The following KIFC3 variants were observed in gnomAD, a reference collection of about 807,000 sequenced individuals.
KIFC3 encodes the protein kinesin family member C3.
In KIFC3, 60 loss-of-function variants were observed where a neutral mutation model predicts 101.8. The observed-to-expected ratio is 0.59, with a 90% CI of 0.48 to 0.73. The LOEUF (loss-of-function observed/expected upper bound fraction) is 0.73, where lower values mean the gene tolerates loss of function less well. Among genes scored for constraint, KIFC3 ranks in the 30% least tolerant of loss-of-function variants. The probability of loss-of-function intolerance (pLI) is 0.00; values close to 1 mark genes in which losing one functional copy is unlikely to be tolerated. For synonymous variants in KIFC3, 476 were observed against 482.7 expected (o/e 0.99, Z 0.18); for missense variants, 966 against 1,137.1 (o/e 0.85, Z 2.16).
intron 1 of KIFC3, among the ~76,000 whole-genome samples, chr16:57,858,633 C>T (rs543824468): frequency 4.7e-4 from 72 of 152,156 alleles, no homozygotes; most frequent in African/African-American, 1.7e-3. Context: ...TAACCATCCC[C>T]TCCCTTAACA....
At chr16:57,816,631 C>T (rs1204938598) in intron 1 of KIFC3, 13 of 456,590 alleles carry the variant, frequency 2.8e-5, no homozygotes, top group Non-Finnish European at 5.3e-5. Context: ...CTCCAGAAAC[C>T]AGCCCTGGGC....
chr16:57,788,839 T>A, intron 3 of KIFC3: 1 of 849,338 alleles, frequency 1.2e-6, no homozygotes, highest in Non-Finnish European at 1.6e-6. Context: ...AGTCCCTCCC[T>A]TTGTGGGTGG....
At chr16:57,858,666 G>A (rs981704979) in intron 1 of KIFC3, among the ~76,000 whole-genome samples, 4 of 151,950 alleles carry the variant, frequency 2.6e-5, no homozygotes, top group African/African-American at 9.7e-5. Context: ...CATAATTGAG[G>A]CCGGGTGCAG....
chr16:57,775,454 T>C (rs1409471401), intron 3 of KIFC3: 10 of 1,002,072 alleles, frequency 1.0e-5, no homozygotes, highest in Non-Finnish European at 1.2e-5. Context: ...GGAAGATGTC[T>C]GCTTTCTCCT....
At chr16:57,843,641 T>C (rs1471739125) in intron 1 of KIFC3, among the ~76,000 whole-genome samples, 1 of 152,108 alleles carries the variant, frequency 6.6e-6, no homozygotes, top group East Asian at 1.9e-4. Flanking sequence ...CAAGATCCCA[T>C]CTCTACCAAA....
At chr16:57,775,322 A>AG in intron 3 of KIFC3, 1 of 1,189,002 alleles carries the variant, frequency 8.4e-7, no homozygotes. Context: ...GCAGCAAAGC[A>AG]GGGGGAATGT....
At chr16:57,774,819 G>T in intron 3 of KIFC3, 2 of 1,229,230 alleles carry the variant, frequency 1.6e-6, no homozygotes, top group Non-Finnish European at 2.1e-6. Context: ...GAGCCCCTGC[G>T]CCCGGCCAGT....
Position 57,767,061 on chromosome 16 carries a change from G to A in KIFC3, c.1219-76C>T, listed in dbSNP as rs1597920983. The stretch of plus-strand genomic sequence containing the variant: ...CGGCCTGACTGCCCACCCCTGAGGG[G>A]TGCTCACTGCCTCCTGCCCCTGGCT... On this transcript the variant is annotated intron_variant, in intron 9 of 19. Coordinates refer to ENST00000445690, the MANE Select transcript of KIFC3 (RefSeq NM_001130100.2). 4.3e-6 allele frequency: 5 copies of A among 1,150,882 alleles called. No homozygotes were observed. In the East Asian group the frequency reaches 1.2e-4, roughly 27 times the overall value. The allele number at this position is 1,150,882 out of a possible 1,614,324, so 71.3% of individuals were successfully genotyped here.
At chr16:57,827,714 C>A (rs2055488979) in intron 1 of KIFC3, among the ~76,000 whole-genome samples, 2 of 152,204 alleles carry the variant, frequency 1.3e-5, no homozygotes, top group South Asian at 4.1e-4. Context: ...CTCCACAAAC[C>A]CTCCAGTGGG....
At chr16:57,775,328 A>C in intron 3 of KIFC3, 1 of 1,174,496 alleles carries the variant, frequency 8.5e-7, no homozygotes, top group Non-Finnish European at 1.1e-6. Flanking sequence ...AAGCAGGGGG[A>C]ATGTGACTGA....
Position 57,829,255 on chromosome 16 carries a change from T to G in KIFC3, c.109-30973A>C, listed in dbSNP as rs1423594694. 3.3e-5 allele frequency among the ~76,000 whole-genome samples: 5 copies of G among 152,326 alleles called. No individual in the cohort carries two copies. In the East Asian group the frequency reaches 9.6e-4, roughly 29 times the overall value. On this transcript the variant is annotated intron_variant, in intron 1 of 2. Transcript: ENST00000563028. ...TTTAAAATTAAGAATAACCTTTGTT[T>G]GTTTGTTTGTTTTTTGGAGACAGGG...
chr16:57,800,788 C>T (rs2054673516), intron 1 of KIFC3, among the ~76,000 whole-genome samples: 1 of 152,194 alleles, frequency 6.6e-6, no homozygotes, highest in Non-Finnish European at 1.5e-5. Flanking sequence ...ATCAAGGAAT[C>T]TTAAGCCCAG....
In KIFC3 at chr16:57,771,578, G is replaced by A. The variant is rs2051213800; in HGVS notation, c.490C>T (p.Pro164Ser). The A allele has an allele frequency of 6.2e-7, 1 of 1,613,526 alleles. No individual in the cohort carries two copies. The highest frequency in any genetic ancestry group is 8.5e-7 in the Non-Finnish European group (1 of 1,180,020). Residue 164 changes from proline (P) to serine (S), a missense_variant, in exon 5 of 20, where the codon CCA (proline) becomes TCA (serine). Pro to Ser is a moderately conservative substitution (Grantham distance 74, BLOSUM62 -1). Transcript: ENST00000445690. ...TCACAACCTGGGCAGGGACCTGCTG[G>A]CTTTGTGCGCAGCTCTTGCAGCTCG... ...EAELQELRTK[P>S]AGPCPGCEHS... is the part of the protein sequence containing the mutation.
chr16:57,800,108 C>A (rs2054622914), intron 1 of KIFC3, among the ~76,000 whole-genome samples: 1 of 144,660 alleles, frequency 6.9e-6, no homozygotes, highest in Non-Finnish European at 1.5e-5. Flanking sequence ...CATTGAGAGG[C>A]AAAAATAAAT....
At chr16:57,797,934 G>C in intron 2 of KIFC3, 138 bp downstream of exon 2, 1 of 1,523,186 alleles carries the variant, frequency 6.6e-7, no homozygotes, top group Admixed American at 2.1e-5. Context: ...ACGCCCGCCT[G>C]GCTCTGGGCT....
At chr16:57,799,846 GCCCAGTGCATCATGCCAAAGAGA>G (rs1157987298) in intron 1 of KIFC3, among the ~76,000 whole-genome samples, 2 of 152,152 alleles carry the variant, frequency 1.3e-5, no homozygotes, top group Non-Finnish European at 2.9e-5. Flanking sequence ...GTTGGTCAGT[GCCCAGTGCATCATGCCAAAGAGA>G]CGTGGAGGAC....
At position 57,798,230 on chromosome 16, in the gene KIFC3, C is replaced by T. The variant is rs782595620; in HGVS notation, c.14G>A (p.Arg5His). The stretch of plus-strand genomic sequence containing the variant: ...CGTGGCTCCCAGGTTCCACGTCCTG[C>T]GAGAGGGGACCATGGCCTGGGGCTC... MVPS[R>H]RTWNLGATPS... Residue 5 changes from arginine to histidine, a missense_variant, in exon 2 of 20, where the codon CGC becomes CAC. Transcript: ENST00000445690. The T allele has an allele frequency of 3.3e-5, 51 of 1,550,922 alleles. No homozygotes were observed. In the South Asian group the frequency reaches 4.3e-4, roughly 13 times the overall value.
chr16:57,803,386 A>C (rs1598176331), upstream of KIFC3: 4 of 559,810 alleles, frequency 7.1e-6, no homozygotes, highest in Non-Finnish European at 1.4e-5. Flanking sequence ...CACTCTCCAC[A>C]CCCCCGGGTG....
chr16:57,824,890 C>A (rs1188813813), intron 1 of KIFC3, among the ~76,000 whole-genome samples: 1 of 152,130 alleles, frequency 6.6e-6, no homozygotes, highest in Non-Finnish European at 1.5e-5. Flanking sequence ...GCGATCCTCC[C>A]ATCTTGGCCT....
Sources: gnomAD v4.1 joint callset for allele counts (sites outside exome capture counted in the v4.1 genomes callset) on GRCh38, gnomAD v4.1.1 for gene constraint, MANE v1.5 for transcripts, NCBI Gene and HGNC (gene_info 2026-07-23, HGNC 2026-07-21) for gene names.